The following CACNG3 variants were observed in gnomAD, a reference collection of about 807,000 sequenced individuals.
CACNG3 encodes voltage-dependent calcium channel gamma-3 subunit.
Under a neutral mutation model 28.5 loss-of-function variants are expected in CACNG3, and 3 were observed. That is an observed-to-expected ratio of 0.11 (90% CI 0.05 to 0.27). The LOEUF (loss-of-function observed/expected upper bound fraction) is 0.27. Among genes scored for constraint, CACNG3 ranks in the 10% least tolerant of loss-of-function variants. The pLI is 1.00. For missense variants in CACNG3, 236 were observed against 414.4 expected (o/e 0.57, Z 3.74); for synonymous variants, 174 against 162.2 (o/e 1.07, Z -0.55).
chr16:24,304,153 A>G (rs924044097), intron 1 of CACNG3, among the ~76,000 whole-genome samples: 1 of 152,164 alleles, frequency 6.6e-6, no homozygotes, highest in Non-Finnish European at 1.5e-5. Context: ...GGGCAAGAAT[A>G]TGTGGCGGGC....
At chr16:24,276,174 A>G (rs1375943669) in intron 1 of CACNG3, among the ~76,000 whole-genome samples, 1 of 152,250 alleles carries the variant, frequency 6.6e-6, no homozygotes. Context: ...CTCTTGAGCC[A>G]GACATTAAAG....
intron 1 of CACNG3, among the ~76,000 whole-genome samples, chr16:24,331,074 A>C (rs1899625360): frequency 6.6e-6 from 1 of 152,066 alleles, no homozygotes; most frequent in African/African-American, 2.4e-5. Context: ...ACACATGACT[A>C]TTCTACCTAA....
chr16:24,326,247 C>G (rs987171339), intron 1 of CACNG3, among the ~76,000 whole-genome samples: 2 of 151,526 alleles, frequency 1.3e-5, no homozygotes, highest in African/African-American at 4.9e-5. Context: ...CCTCTGCTCA[C>G]CACAACCTCC....
At chr16:24,335,920 C>T (rs1899697149) in intron 1 of CACNG3, among the ~76,000 whole-genome samples, 2 of 108,338 alleles carry the variant, frequency 1.8e-5, no homozygotes, top group South Asian at 3.9e-4. Context: ...ACTAAAAATA[C>T]CAAAAAATAA....
intron 1 of CACNG3, among the ~76,000 whole-genome samples, chr16:24,345,199 C>G (rs1177275038): frequency 6.6e-6 from 1 of 152,174 alleles, no homozygotes; most frequent in South Asian, 2.1e-4. Flanking sequence ...ACCAACGCAG[C>G]TCTGTCTGAT....
At chr16:24,336,323 C>G (rs62026764) in intron 1 of CACNG3, among the ~76,000 whole-genome samples, 112,826 of 149,662 alleles carry the variant, frequency 0.75, 42,719 homozygotes, top group Middle Eastern at 0.86. Context: ...CCAGGCTGGA[C>G]TGTAGTGGCG....
At chr16:24,332,626 A>G (rs925626000) in intron 1 of CACNG3, among the ~76,000 whole-genome samples, 2 of 152,182 alleles carry the variant, frequency 1.3e-5, no homozygotes, top group South Asian at 4.1e-4. Context: ...CATCTTGATC[A>G]GGGGCCAAGC....
rs552323923 is a variant in CACNG3, at chr16:24,299,918, A to G, written c.211+42953A>G. Among the ~76,000 whole-genome samples, 6 of 151,856 alleles carry G rather than the reference A, an allele frequency of 4.0e-5. 1 individual carries two copies. The highest frequency in any genetic ancestry group is 3.9e-4 in the Admixed American group (6 of 15,192). On this transcript the variant is annotated intron_variant, in intron 1 of 3. Transcript: ENST00000005284. Reference sequence around the variant, plus strand: ...TTTTAATCAAGTTATCTGCACATGCATGGATGCACACATGCACACGCACAC... The same window carrying G: ...TTTTAATCAAGTTATCTGCACATGCGTGGATGCACACATGCACACGCACAC...
At chr16:24,289,962 G>A (rs1160949485) in intron 1 of CACNG3, among the ~76,000 whole-genome samples, 3 of 152,262 alleles carry the variant, frequency 2.0e-5, no homozygotes, top group Non-Finnish European at 2.9e-5. Flanking sequence ...ATTTGGGGCA[G>A]TGGCTAAGAA....
chr16:24,313,547 C>T (rs893969121), intron 1 of CACNG3, among the ~76,000 whole-genome samples: 1 of 152,110 alleles, frequency 6.6e-6, no homozygotes, highest in Non-Finnish European at 1.5e-5. Flanking sequence ...TGCAGTGGCA[C>T]GATCATAGCT....
intron 1 of CACNG3, among the ~76,000 whole-genome samples, chr16:24,282,951 C>T (rs940696398): frequency 2.6e-5 from 4 of 152,238 alleles, no homozygotes; most frequent in Admixed American, 1.3e-4. Context: ...TCACTGCAAC[C>T]TCCACCTCCT....
Position 24,361,592 on chromosome 16 carries a change from C to A in CACNG3, c.677C>A (p.Pro226His), listed in dbSNP as rs1900102119. 3.1e-6 allele frequency: 5 copies of A among 1,613,844 alleles called. 1 individual carries two copies. The South Asian group carries it at 5.5e-5, about 18-fold the overall frequency. The change falls in exon 4 of 4, where the codon CCC becomes CAC. Residue 226 changes from proline (P) to histidine (H), a missense_variant. Transcript: ENST00000005284. The surrounding 1 kb of genome is among the most constrained non-coding windows in gnomAD (Gnocchi z 6.8). Reference sequence around the variant, plus strand: ...AAATCTACTTTTGCCCGCCTCCCACCCTACAGGTATCGATTCCGGAGGCGG... The same window carrying A: ...AAATCTACTTTTGCCCGCCTCCCACACTACAGGTATCGATTCCGGAGGCGG... The part of the protein sequence containing the change: ...LKKSTFARLP[P>H]YRYRFRRRSS...
chr16:24,288,487 C>T (rs183303579), intron 1 of CACNG3, among the ~76,000 whole-genome samples: 22 of 152,142 alleles, frequency 1.4e-4, no homozygotes, highest in African/African-American at 5.1e-4. Flanking sequence ...GGCAGTTATT[C>T]AAATTTAAAC....
intron 1 of CACNG3, among the ~76,000 whole-genome samples, chr16:24,330,090 G>A (rs1258551352): frequency 6.6e-6 from 1 of 152,126 alleles, no homozygotes; most frequent in Non-Finnish European, 1.5e-5. Flanking sequence ...CTGGTAATGA[G>A]ACATAAGTTA....
chr16:24,322,909 C>G (rs1174117723), intron 1 of CACNG3, among the ~76,000 whole-genome samples: 2 of 152,140 alleles, frequency 1.3e-5, no homozygotes, highest in East Asian at 3.9e-4. Context: ...GCAATCCACT[C>G]ACATATATTT....
chr16:24,277,779 CAAAAAAA>C (rs34379768), intron 1 of CACNG3, among the ~76,000 whole-genome samples: 1,705 of 97,766 alleles, frequency 0.017, 37 homozygotes, highest in African/African-American at 0.063. Flanking sequence ...GACTCCATCT[CAAAAAAA>C]AAAAAAAAAA....
intron 1 of CACNG3, among the ~76,000 whole-genome samples, chr16:24,329,636 T>C (rs1288567502): frequency 1.3e-5 from 2 of 152,220 alleles, no homozygotes; most frequent in Non-Finnish European, 2.9e-5. Flanking sequence ...CCTTTTTTAA[T>C]GAAGAAAGTG....
At chr16:24,279,570 GC>G (rs911480376) in intron 1 of CACNG3, among the ~76,000 whole-genome samples, 1 of 152,174 alleles carries the variant, frequency 6.6e-6, no homozygotes, top group Admixed American at 6.5e-5. Flanking sequence ...CTCCCAGAGT[GC>G]TGGAACTACA....
At chr16:24,325,536 C>T (rs1253821278) in intron 1 of CACNG3, among the ~76,000 whole-genome samples, 1 of 152,238 alleles carries the variant, frequency 6.6e-6, no homozygotes, top group Non-Finnish European at 1.5e-5. Flanking sequence ...TGAGCGCAAG[C>T]CCCGCCAACC....
Sources: allele counts gnomAD v4.1 joint callset (sites outside exome capture counted in the v4.1 genomes callset), GRCh38; gene constraint gnomAD v4.1.1; non-coding constraint Gnocchi (gnomAD v3.1); transcripts MANE v1.5; gene names NCBI Gene and HGNC (gene_info 2026-07-23, HGNC 2026-07-21).